Variants in NCAM1 observed in about 807,000 individuals in gnomAD.
NCAM1 encodes the protein antigen recognized by monoclonal antibody 5.1H11.
A neutral mutation model predicts 109.8 loss-of-function variants in NCAM1; 14 were observed. The observed-to-expected ratio is 0.13, with a 90% CI of 0.08 to 0.20. The LOEUF is 0.20. Among genes scored for constraint, NCAM1 ranks in the 10% least tolerant of loss-of-function variants. The probability of loss-of-function intolerance (pLI) is 1.00; values close to 1 mark genes in which losing one functional copy is unlikely to be tolerated. For synonymous variants in NCAM1, 418 were observed against 442.9 expected (o/e 0.94, Z 0.70); for missense variants, 774 against 1,109.9 (o/e 0.70, Z 4.30).
chr11:112,995,822 A>T (rs1951579134), intron 1 of NCAM1, among the ~76,000 whole-genome samples: 1 of 152,182 alleles, frequency 6.6e-6, no homozygotes, highest in Non-Finnish European at 1.5e-5. Context: ...ATATAGCCTC[A>T]GTGGTAAAAA....
rs1158859613 is a variant in NCAM1 at position 112,962,185 on chromosome 11, C to A, written c.52+521C>A. On this transcript the variant is annotated intron_variant, in intron 1 of 19. Coordinates refer to ENST00000316851, the MANE Select transcript of NCAM1 (RefSeq NM_181351.5). The surrounding 1 kb of genome is among the most constrained non-coding windows in gnomAD (Gnocchi z 5.6). The stretch of plus-strand genomic sequence containing the variant: ...AAAGTCAGGATCGCTGCTTTGCTTC[C>A]CCCGCCCCAGAAGAATAACGGTTTG... 6.6e-6 allele frequency among the ~76,000 whole-genome samples: 1 copy of A among 152,200 alleles called. No individual in the cohort carries two copies. The highest frequency in any genetic ancestry group is 6.5e-5 in the Admixed American group (1 of 15,286).
chr11:113,231,271 G>A, intron 9 of NCAM1: 1 of 1,536,096 alleles, frequency 6.5e-7, no homozygotes, highest in South Asian at 1.2e-5. Flanking sequence ...AGGATCTCAT[G>A]AGGTAGGGCT....
At chr11:113,189,881 GAA>G (rs5794854) in intron 1 of NCAM1, among the ~76,000 whole-genome samples, 15 of 147,082 alleles carry the variant, frequency 1.0e-4, no homozygotes, top group East Asian at 3.9e-4. Flanking sequence ...AACAAACAAG[GAA>G]AAAAAAAAAA....
chr11:112,980,146 C>A (rs926767848), intron 1 of NCAM1, among the ~76,000 whole-genome samples: 1 of 151,764 alleles, frequency 6.6e-6, no homozygotes, highest in South Asian at 2.1e-4. Flanking sequence ...CAGTGAGATA[C>A]CACTTCACAC....
intron 1 of NCAM1, among the ~76,000 whole-genome samples, chr11:113,187,892 T>A (rs1167845261): frequency 1.4e-4 from 21 of 152,240 alleles, no homozygotes; most frequent in Admixed American, 1.4e-3. Context: ...AATAGCTTTC[T>A]ATAAGATACT....
chr11:113,177,522 C>T (rs991957262), intron 1 of NCAM1, among the ~76,000 whole-genome samples: 4 of 152,150 alleles, frequency 2.6e-5, no homozygotes, highest in African/African-American at 7.2e-5. Context: ...CAACCTCTGC[C>T]TCCCGGGTTC....
intron 17 of NCAM1, chr11:113,263,110 C>T: frequency 7.6e-7 from 1 of 1,309,138 alleles, no homozygotes; most frequent in Middle Eastern, 2.0e-4. Flanking sequence ...CTCACAGATA[C>T]TTTTGTGCCA....
intron 14 of NCAM1, chr11:113,242,995 T>C: frequency 6.8e-7 from 1 of 1,480,400 alleles, no homozygotes; most frequent in Non-Finnish European, 8.9e-7. Context: ...TGTGGTTTCC[T>C]AAGCATGCCG....
intron 1 of NCAM1, among the ~76,000 whole-genome samples, chr11:113,027,899 A>C (rs969866528): frequency 1.7e-4 from 26 of 152,308 alleles, no homozygotes; most frequent in Admixed American, 1.5e-3. Context: ...TGATTCATAT[A>C]GAATAGAAAG....
At chr11:113,132,052 A>G (rs1446361087) in intron 1 of NCAM1, among the ~76,000 whole-genome samples, 1 of 152,116 alleles carries the variant, frequency 6.6e-6, no homozygotes, top group African/African-American at 2.4e-5. Flanking sequence ...AGGGACAGAG[A>G]TGGTTTTTAG....
chr11:113,272,629 T>C (rs1052306361), intron 19 of NCAM1, among the ~76,000 whole-genome samples: 13 of 152,084 alleles, frequency 8.5e-5, no homozygotes, highest in Admixed American at 5.9e-4. Context: ...CCTAGGCAGG[T>C]CTGCAAGGAC....
chr11:113,184,791 G>A (rs1201048035), intron 1 of NCAM1, among the ~76,000 whole-genome samples: 1 of 152,094 alleles, frequency 6.6e-6, no homozygotes, highest in Admixed American at 6.6e-5. Flanking sequence ...TCCACTTGTG[G>A]TGTGTGAGTT....
At position 113,121,382 on chromosome 11, in the gene NCAM1, C is replaced by T. The variant is rs543661344; in HGVS notation, c.53-80997C>T. Among the ~76,000 whole-genome samples the T allele has an allele frequency of 7.9e-4, 119 of 151,242 alleles. 1 individual carries two copies. Among genetic ancestry groups the T allele is most frequent in the African/African-American group, 2.8e-3 (116 of 41,214 alleles). Reference sequence around the variant, plus strand: ...ACTGCAGGTGCATGCCACTACACCCCGCTAATTTTTGAATTTTTGGTAAAG... The same window carrying T: ...ACTGCAGGTGCATGCCACTACACCCTGCTAATTTTTGAATTTTTGGTAAAG... On this transcript the variant is annotated intron_variant, in intron 1 of 19. Transcript: ENST00000316851.
At chr11:113,159,086 A>G (rs1306991238) in intron 1 of NCAM1, among the ~76,000 whole-genome samples, 1 of 152,218 alleles carries the variant, frequency 6.6e-6, no homozygotes, top group Non-Finnish European at 1.5e-5. Context: ...TTTATAGAGT[A>G]GTGATTTAAT....
At chr11:113,060,101 A>G (rs548420315) in intron 1 of NCAM1, among the ~76,000 whole-genome samples, 1 of 152,348 alleles carries the variant, frequency 6.6e-6, no homozygotes, top group Admixed American at 6.5e-5. Context: ...TTAAGATTAA[A>G]TTATTCCTGA....
intron 9 of NCAM1, among the ~76,000 whole-genome samples, chr11:113,230,891 T>G (rs542939408): frequency 5.4e-4 from 82 of 152,342 alleles, no homozygotes; most frequent in African/African-American, 1.9e-3. Context: ...GTGCTTATTC[T>G]CTTTTTGACC....
At chr11:113,205,341 AT>A (rs1443726337) in intron 3 of NCAM1, among the ~76,000 whole-genome samples, 181 bp from the exon 4 acceptor site, 2 of 152,178 alleles carry the variant, frequency 1.3e-5, no homozygotes, top group Admixed American at 1.3e-4. Context: ...GTTGCCAAGC[AT>A]TGGTAACCTA....
At position 113,024,490 on chromosome 11, in the gene NCAM1, G is replaced by GT. The variant is rs1159187700; in HGVS notation, c.52+62827dup. On this transcript the variant is annotated intron_variant, in intron 1 of 19. Coordinates refer to ENST00000316851, the MANE Select transcript of NCAM1 (RefSeq NM_181351.5). The stretch of plus-strand genomic sequence containing the variant: ...ATCTCTAGTATTTTAGAAGTTTAGT[G>GT]TAATTTAGAAAAGGAGGTTAGTACC... Among the ~76,000 whole-genome samples the GT allele has an allele frequency of 3.3e-5, 5 of 152,250 alleles. No homozygotes were observed. In the East Asian group the frequency reaches 9.6e-4, roughly 29 times the overall value.
At chr11:113,071,090 C>T (rs961419442) in intron 1 of NCAM1, among the ~76,000 whole-genome samples, 7 of 151,668 alleles carry the variant, frequency 4.6e-5, no homozygotes, top group African/African-American at 1.2e-4. Flanking sequence ...GCAAGCCCTA[C>T]GGTGAAAAGT....
Sources: gnomAD v4.1 joint callset for allele counts (sites outside exome capture counted in the v4.1 genomes callset) on GRCh38, gnomAD v4.1.1 for gene constraint, Gnocchi (gnomAD v3.1) non-coding constraint, MANE v1.5 for transcripts, NCBI Gene and HGNC (gene_info 2026-07-23, HGNC 2026-07-21) for gene names.